The following ROBO2 variants were observed in gnomAD, a reference collection of about 807,000 sequenced individuals.
The protein encoded by ROBO2 is roundabout homolog 2.
Under a neutral mutation model 160.8 loss-of-function variants are expected in ROBO2, and 53 were observed. That is an observed-to-expected ratio of 0.33 (90% confidence interval 0.26 to 0.41). The LOEUF (loss-of-function observed/expected upper bound fraction) is 0.41, where lower values mean the gene tolerates loss of function less well. Among genes scored for constraint, ROBO2 ranks in the 10% least tolerant of loss-of-function variants. The pLI is 1.00. For synonymous variants in ROBO2, 664 were observed against 611.7 expected, an observed-to-expected ratio of 1.09 and a Z score of -1.26; for missense variants, 1,577 against 1,722.4, an observed-to-expected ratio of 0.92 and a Z score of 1.49.
At chr3:75,921,150 T>G (rs1385382894) in intron 1 of ROBO2, among the ~76,000 whole-genome samples, 1 of 152,102 alleles carries the variant, frequency 6.6e-6, no homozygotes, top group Non-Finnish European at 1.5e-5. Flanking sequence ...TTTTGGTGTG[T>G]TTTTGCAGTG....
At chr3:76,802,469 C>A (rs991543086) in intron 2 of ROBO2, among the ~76,000 whole-genome samples, 1 of 151,902 alleles carries the variant, frequency 6.6e-6, no homozygotes, top group African/African-American at 2.4e-5. Context: ...TGGCTCACGC[C>A]TGTGATCCCA....
At chr3:76,261,185 T>G (rs1409986933) in intron 2 of ROBO2, among the ~76,000 whole-genome samples, 6 of 126,278 alleles carry the variant, frequency 4.8e-5, no homozygotes, top group Non-Finnish European at 9.1e-5. Flanking sequence ...TGTGTGTGTG[T>G]GTGTGTGTGT....
At chr3:77,028,898 C>T (rs1037372796) in intron 2 of ROBO2, among the ~76,000 whole-genome samples, 2 of 152,122 alleles carry the variant, frequency 1.3e-5, no homozygotes, top group Non-Finnish European at 2.9e-5. Context: ...CTATATCCTT[C>T]TTTCTTTCCA....
At chr3:76,227,179 G>T (rs1448564031) in intron 2 of ROBO2, among the ~76,000 whole-genome samples, 1 of 152,218 alleles carries the variant, frequency 6.6e-6, no homozygotes, top group Non-Finnish European at 1.5e-5. Flanking sequence ...AATGCTAAAT[G>T]AATCAGATAC....
chr3:76,678,648 A>G (rs2092475806), intron 2 of ROBO2, among the ~76,000 whole-genome samples: 1 of 152,186 alleles, frequency 6.6e-6, no homozygotes, highest in African/African-American at 2.4e-5. Context: ...AGATGAATAG[A>G]TGAATGTTAT....
At chr3:77,624,447 G>A (rs911362098) in intron 23 of ROBO2, among the ~76,000 whole-genome samples, 9 of 151,424 alleles carry the variant, frequency 5.9e-5, no homozygotes, top group African/African-American at 1.5e-4. Flanking sequence ...GTGTGATATA[G>A]TGTGTGTGCA....
intron 3 of ROBO2, 152 bp downstream of exon 3, chr3:77,477,723 G>A: frequency 2.4e-6 from 2 of 847,692 alleles, no homozygotes. Flanking sequence ...AAAACATTTG[G>A]ATGAGACTAC....
intron 2 of ROBO2, among the ~76,000 whole-genome samples, chr3:76,863,903 A>G (rs2071085226): frequency 2.6e-5 from 4 of 152,110 alleles, no homozygotes; most frequent in African/African-American, 4.8e-5. Context: ...GTTGAAGCTT[A>G]ATAAAGATTT....
chr3:76,821,389 T>G (rs535755237), intron 2 of ROBO2, among the ~76,000 whole-genome samples: 1 of 152,152 alleles, frequency 6.6e-6, no homozygotes, highest in Non-Finnish European at 1.5e-5. Flanking sequence ...GAGGTCAAAT[T>G]AATTCCCTCT....
At chr3:77,343,679 A>G (rs2067314494) in intron 2 of ROBO2, among the ~76,000 whole-genome samples, 1 of 152,180 alleles carries the variant, frequency 6.6e-6, no homozygotes, top group Non-Finnish European at 1.5e-5. Context: ...TGCTCTTGAC[A>G]TACAAATGAA....
At chr3:77,399,592 C>T (rs191304823) in intron 2 of ROBO2, among the ~76,000 whole-genome samples, 43 of 152,068 alleles carry the variant, frequency 2.8e-4, no homozygotes, top group Middle Eastern at 3.4e-3. Context: ...CCTTAATGAC[C>T]ATAACATGTG....
At chr3:76,596,734 C>T (rs893302266) in intron 2 of ROBO2, among the ~76,000 whole-genome samples, 4 of 152,016 alleles carry the variant, frequency 2.6e-5, no homozygotes, top group Admixed American at 2.6e-4. Flanking sequence ...AAGTGGTCTA[C>T]TTTCATAAAA....
intron 1 of ROBO2, among the ~76,000 whole-genome samples, chr3:77,044,453 ATTTCTCCTT>A (rs910336650): frequency 1.2e-4 from 18 of 152,062 alleles, no homozygotes; most frequent in African/African-American, 4.3e-4. Flanking sequence ...CTTATTTACT[ATTTCTCCTT>A]TTTCTCCTTT....
chr3:76,357,034 A>G (rs2075211767), intron 2 of ROBO2, among the ~76,000 whole-genome samples: 1 of 152,046 alleles, frequency 6.6e-6, no homozygotes, highest in Non-Finnish European at 1.5e-5. Context: ...TAAGACTTGT[A>G]CACTGAGAAC....
intron 2 of ROBO2, among the ~76,000 whole-genome samples, chr3:76,876,185 G>T (rs1171940460): frequency 6.6e-6 from 1 of 152,270 alleles, no homozygotes; most frequent in African/African-American, 2.4e-5. Flanking sequence ...TAAGAAGCAT[G>T]AATTTGAGAA....
chr3:76,208,922 CCTT>C (rs1159947527), intron 2 of ROBO2, among the ~76,000 whole-genome samples: 1 of 152,052 alleles, frequency 6.6e-6, no homozygotes, highest in African/African-American at 2.4e-5. Flanking sequence ...TTTCTTGGCT[CCTT>C]CTGCATTTGG....
intron 2 of ROBO2, among the ~76,000 whole-genome samples, chr3:76,610,521 T>A (rs79602605): frequency 0.011 from 1,748 of 152,286 alleles, 35 homozygotes; most frequent in African/African-American, 0.039. Context: ...CAAGGGGTGT[T>A]ATAACTCTTG....
At chr3:77,040,720 A>G (rs2063997589) in exon 1 of ROBO2, 5 of 1,611,372 alleles carry the variant, frequency 3.1e-6, no homozygotes, top group Admixed American at 1.7e-5. Flanking sequence ...TTTGATACTC[A>G]TTTTTGTACT....
At chr3:76,258,346 T>C (rs1249883395) in intron 2 of ROBO2, among the ~76,000 whole-genome samples, 1 of 152,034 alleles carries the variant, frequency 6.6e-6, no homozygotes, top group East Asian at 1.9e-4. Flanking sequence ...TTTATCCAAC[T>C]TTATATTAAA....
Sources: gnomAD v4.1 joint callset for allele counts (sites outside exome capture counted in the v4.1 genomes callset) on GRCh38, gnomAD v4.1.1 for gene constraint, MANE v1.5 for transcripts, NCBI Gene and HGNC (gene_info 2026-07-23, HGNC 2026-07-21) for gene names.